The following SKIC3 variants were observed in gnomAD, a reference collection of about 807,000 sequenced individuals.
SKIC3 encodes superkiller complex protein 3.
chr5:95,517,460 A>C, the SKIC3 span: 2 of 955,342 alleles, frequency 2.1e-6, no homozygotes, highest in Non-Finnish European at 3.1e-6. Context: ...ATATCATATC[A>C]CCTCCCTAAT....
the SKIC3 span, among the ~76,000 whole-genome samples, chr5:95,487,389 T>C: frequency 6.6e-5 from 10 of 152,244 alleles, no homozygotes; most frequent in East Asian, 5.8e-4. Flanking sequence ...ATCCATCTAA[T>C]AGAGGCACAA....
chr5:95,540,729 A>C, the SKIC3 span: 1 of 1,614,148 alleles, frequency 6.2e-7, no homozygotes, highest in Non-Finnish European at 8.5e-7. Flanking sequence ...CTGTACTTTC[A>C]GCCAGGAACT....
the SKIC3 span, among the ~76,000 whole-genome samples, chr5:95,471,900 A>G: frequency 6.6e-6 from 1 of 152,168 alleles, no homozygotes; most frequent in African/African-American, 2.4e-5. Context: ...TGCAAAATAA[A>G]GTGTAGGGCC....
chr5:95,501,200 A>G, the SKIC3 span, among the ~76,000 whole-genome samples: 4 of 152,190 alleles, frequency 2.6e-5, no homozygotes, highest in African/African-American at 9.6e-5. Flanking sequence ...AGGAAAAAAA[A>G]TCTACCTACT....
At chr5:95,524,764 G>C in the SKIC3 span, among the ~76,000 whole-genome samples, 1 of 152,266 alleles carries the variant, frequency 6.6e-6, no homozygotes, top group African/African-American at 2.4e-5. Flanking sequence ...AAAGTGATTT[G>C]TTTTTGAAGA....
the SKIC3 span, chr5:95,541,983 AAT>A: frequency 2.3e-6 from 2 of 867,718 alleles, no homozygotes; most frequent in African/African-American, 1.7e-5. Flanking sequence ...TTTGCTAAAT[AAT>A]ATGATAATCT....
At chr5:95,506,601 C>T in the SKIC3 span, among the ~76,000 whole-genome samples, 1 of 152,260 alleles carries the variant, frequency 6.6e-6, no homozygotes, top group East Asian at 1.9e-4. Context: ...TAATGTCCCT[C>T]CCCGGTTTAA....
the SKIC3 span, chr5:95,495,408 A>G: frequency 6.6e-5 from 12 of 182,218 alleles, no homozygotes; most frequent in African/African-American, 2.6e-4. Flanking sequence ...AGTAAAATAA[A>G]TAAAGTTCAA....
At chr5:95,519,022 AC>A in the SKIC3 span, among the ~76,000 whole-genome samples, 2 of 151,514 alleles carry the variant, frequency 1.3e-5, no homozygotes, top group Admixed American at 1.3e-4. Flanking sequence ...ATGATACCTT[AC>A]TGTGGTTTTG....
chr5:95,516,382 C>T, the SKIC3 span: 1 of 1,613,122 alleles, frequency 6.2e-7, no homozygotes, highest in Non-Finnish European at 8.5e-7. Context: ...AGGTATAACA[C>T]TCCCAAGTTG....
At chr5:95,528,806 A>G in the SKIC3 span, 10 of 588,440 alleles carry the variant, frequency 1.7e-5, no homozygotes, top group Non-Finnish European at 3.0e-5. Context: ...CTAAACATTC[A>G]TTGTCAGTTT....
chr5:95,519,210 C>T, the SKIC3 span, among the ~76,000 whole-genome samples: 1 of 151,854 alleles, frequency 6.6e-6, no homozygotes, highest in African/African-American at 2.4e-5. Context: ...GAGGGCAATT[C>T]CTTTTAGAAT....
At chr5:95,484,605 C>T in the SKIC3 span, 1 of 1,423,900 alleles carries the variant, frequency 7.0e-7, no homozygotes, top group Non-Finnish European at 9.8e-7. Context: ...TCTCAGTCTC[C>T]CAAAGTGCCA....
chr5:95,522,141 GTAT>G, the SKIC3 span: 1 of 1,613,726 alleles, frequency 6.2e-7, no homozygotes, highest in Non-Finnish European at 8.5e-7. Context: ...AGGATTTGCT[GTAT>G]TGCTGCAACC....
At chr5:95,473,021 G>A in the SKIC3 span, among the ~76,000 whole-genome samples, 1 of 152,140 alleles carries the variant, frequency 6.6e-6, no homozygotes, top group East Asian at 1.9e-4. Flanking sequence ...ATATGGCACC[G>A]AGGTTGATTC....
the SKIC3 span, chr5:95,524,470 G>GA: frequency 6.2e-7 from 1 of 1,613,042 alleles, no homozygotes; most frequent in East Asian, 2.2e-5. Context: ...TTTACCTTCA[G>GA]AAAGTGGGTA....
chr5:95,505,176 C>G, the SKIC3 span, among the ~76,000 whole-genome samples: 1 of 152,174 alleles, frequency 6.6e-6, no homozygotes, highest in Non-Finnish European at 1.5e-5. Context: ...TTTCTGGTAT[C>G]CATCACTATA....
At chr5:95,531,373 A>G in the SKIC3 span, among the ~76,000 whole-genome samples, 1 of 152,192 alleles carries the variant, frequency 6.6e-6, no homozygotes, top group Non-Finnish European at 1.5e-5. Context: ...AAGAAATACT[A>G]CTTTGATTAG....
chr5:95,494,812 G>A, the SKIC3 span: 20 of 1,612,822 alleles, frequency 1.2e-5, no homozygotes, highest in Middle Eastern at 3.3e-4. Context: ...GAGAAAAGAT[G>A]TTAGCCAATT....
Sources: gnomAD v4.1 joint callset for allele counts (sites outside exome capture counted in the v4.1 genomes callset) on GRCh38, gnomAD v4.1.1 for gene constraint, MANE v1.5 for transcripts, NCBI Gene and HGNC (gene_info 2026-07-23, HGNC 2026-07-21) for gene names.